TMEM117: variants seen among roughly 807,000 people sequenced by gnomAD.
TMEM117 encodes transmembrane protein 117.
Under a neutral mutation model 52.4 loss-of-function variants are expected in TMEM117, and 27 were observed. That is an observed-to-expected ratio of 0.51 (90% CI 0.38 to 0.71). The LOEUF (loss-of-function observed/expected upper bound fraction) is 0.71, where lower values mean the gene tolerates loss of function less well. Ranked by LOEUF, TMEM117 falls within the 30% of genes least tolerant of loss-of-function variation. The pLI is 0.00. For missense variants in TMEM117, 556 were observed against 630.5 expected (o/e 0.88, Z 1.26); for synonymous variants, 215 against 206.3 (o/e 1.04, Z -0.36).
At chr12:44,294,235 C>G (rs1950739909) in intron 5 of TMEM117, among the ~76,000 whole-genome samples, 1 of 152,122 alleles carries the variant, frequency 6.6e-6, no homozygotes, top group African/African-American at 2.4e-5. Context: ...AAGTTTCCCT[C>G]TTTATTGAAG....
intron 4 of TMEM117, among the ~76,000 whole-genome samples, chr12:44,148,018 G>A (rs1415737532): frequency 1.3e-5 from 2 of 151,856 alleles, no homozygotes; most frequent in East Asian, 1.9e-4. Flanking sequence ...CCTGAAAACC[G>A]TATACTGTGT....
At chr12:44,393,092 A>G (rs1323797581), downstream of TMEM117, among the ~76,000 whole-genome samples, 2 of 152,198 alleles carry the variant, frequency 1.3e-5, no homozygotes, top group Non-Finnish European at 2.9e-5. Flanking sequence ...CTAATTTAAT[A>G]TGTATAAAAT....
Position 44,362,579 on chromosome 12 carries a change from T to TA in TMEM117, c.769-14005dup, listed in dbSNP as rs35218752. On this transcript the variant is annotated intron_variant, in intron 6 of 7. Transcript: ENST00000266534. ...TGGCACAAATAAAAGACAAAATAAT[T>TA]AAAAAAAAAAAGCAAAGGAAAGAGA... Among the ~76,000 whole-genome samples, 1,176 of 141,180 alleles carry TA rather than the reference T, an allele frequency of 8.3e-3. 17 individuals carry two copies. Among genetic ancestry groups the TA allele is most frequent in the African/African-American group, 0.026 (1,012 of 38,662 alleles). The allele number at this position is 141,180 out of a possible 152,430, so 92.6% of individuals were successfully genotyped here.
At chr12:43,969,356 T>TTAAAAAAAAAAAAAAAAAA (rs1555189078) in intron 3 of TMEM117, among the ~76,000 whole-genome samples, 13 of 79,552 alleles carry the variant, frequency 1.6e-4, no homozygotes, top group African/African-American at 9.4e-4. Context: ...CCGTCTCTAC[T>TTAAAAAAAAAAAAAAAAAA]AAAAAAAAAA....
intron 3 of TMEM117, among the ~76,000 whole-genome samples, chr12:43,945,465 C>T (rs142965099): frequency 3.3e-5 from 5 of 152,078 alleles, no homozygotes; most frequent in Admixed American, 1.3e-4. Flanking sequence ...AGATTATAGG[C>T]GCCTGCCACC....
At chr12:43,865,591 AG>A (rs773624473) in intron 2 of TMEM117, among the ~76,000 whole-genome samples, 2 of 151,660 alleles carry the variant, frequency 1.3e-5, no homozygotes, top group East Asian at 1.9e-4. Flanking sequence ...CAGCTACTAG[AG>A]GGGCTGAGGC....
At chr12:44,354,058 A>G (rs528372549) in intron 6 of TMEM117, among the ~76,000 whole-genome samples, 1 of 152,286 alleles carries the variant, frequency 6.6e-6, no homozygotes, top group Admixed American at 6.5e-5. Context: ...TCTTTGAAGC[A>G]ATTGTGAATG....
intron 6 of TMEM117, among the ~76,000 whole-genome samples, chr12:44,305,513 C>CAA (rs75683898): frequency 0.029 from 3,905 of 132,798 alleles, 68 homozygotes; most frequent in Admixed American, 0.055. Flanking sequence ...AGACACTTCT[C>CAA]AAAAAAAAAA....
chr12:44,179,465 A>G (rs1340261221), intron 4 of TMEM117, among the ~76,000 whole-genome samples: 1 of 152,238 alleles, frequency 6.6e-6, no homozygotes, highest in African/African-American at 2.4e-5. Flanking sequence ...TCAAAAGGCC[A>G]AGGAACCTGG....
rs71091187 is a variant in TMEM117 at position 43,945,109 on chromosome 12, C to CTAAATAAATAAATAAATAAATAAA, written c.410+776_410+799dup. Among the ~76,000 whole-genome samples, 882 of 141,700 alleles carry CTAAATAAATAAATAAATAAATAAA rather than the reference C, an allele frequency of 6.2e-3. 6 individuals are homozygous for CTAAATAAATAAATAAATAAATAAA. The highest frequency in any genetic ancestry group is 0.029 in the Middle Eastern group (8 of 278). 93.0% of individuals were successfully genotyped at this position (141,700 alleles called of 152,430 possible). A position where few individuals can be genotyped will look rare whatever the true frequency, so the allele number is the denominator to read the frequency against. On this transcript the variant is annotated intron_variant, in intron 3 of 7. Coordinates refer to ENST00000266534, the MANE Select transcript of TMEM117 (RefSeq NM_032256.3). ...CTGGCAACAAAGCAAGACTCCGTCT[C>CTAAATAAATAAATAAATAAATAAA]TAAATAAATAAATAAATAAATAAAT...
intron 1 of TMEM117, among the ~76,000 whole-genome samples, chr12:43,836,482 T>G (rs1391341285): frequency 6.6e-6 from 1 of 151,952 alleles, no homozygotes; most frequent in Non-Finnish European, 1.5e-5. Flanking sequence ...GAAAGGCTCT[T>G]GGTGGGAGTC....
intron 6 of TMEM117, among the ~76,000 whole-genome samples, chr12:44,322,781 A>T (rs1951148845): frequency 6.6e-6 from 1 of 152,132 alleles, no homozygotes; most frequent in Non-Finnish European, 1.5e-5. Context: ...GACTGGAAAT[A>T]CCTGGTATAG....
chr12:43,822,763 G>A, the TMEM117 span, among the ~76,000 whole-genome samples: 1 of 152,070 alleles, frequency 6.6e-6, no homozygotes, highest in African/African-American at 2.4e-5. Context: ...CAGGCATGGT[G>A]GTAGCTGCCT....
chr12:43,877,904 C>CACACACACA (rs933910320), intron 2 of TMEM117, among the ~76,000 whole-genome samples: 2 of 145,522 alleles, frequency 1.4e-5, no homozygotes, highest in African/African-American at 4.9e-5. Context: ...CACACACACA[C>CACACACACA]ACACACACAC....
chr12:44,331,675 A>G (rs1951272439), intron 6 of TMEM117, among the ~76,000 whole-genome samples: 1 of 152,064 alleles, frequency 6.6e-6, no homozygotes, highest in Admixed American at 6.6e-5. Flanking sequence ...CATTTAATGG[A>G]CAATATTAAC....
intron 3 of TMEM117, among the ~76,000 whole-genome samples, chr12:43,945,413 C>A (rs11182341): frequency 2.0e-5 from 3 of 152,066 alleles, no homozygotes; most frequent in Non-Finnish European, 4.4e-5. Context: ...CTCTGCCTCC[C>A]GGGTTCCAGC....
intron 6 of TMEM117, among the ~76,000 whole-genome samples, chr12:44,345,605 A>G (rs1345003950): frequency 7.9e-5 from 12 of 152,170 alleles, no homozygotes; most frequent in Admixed American, 7.2e-4. Context: ...AATCAGCATT[A>G]TAGGTGTTAT....
intron 2 of TMEM117, among the ~76,000 whole-genome samples, chr12:43,880,361 A>T (rs1056358663): frequency 3.9e-5 from 6 of 152,120 alleles, no homozygotes; most frequent in African/African-American, 7.2e-5. Flanking sequence ...TAACTTTTTT[A>T]AAAAAATTTC....
intron 3 of TMEM117, chr12:44,010,324 G>C: frequency 2.3e-6 from 1 of 442,704 alleles, no homozygotes; most frequent in Non-Finnish European, 4.5e-6. Context: ...ACTACCCTCT[G>C]TTGCCATGTC....
Sources: gnomAD v4.1 joint callset for allele counts (sites outside exome capture counted in the v4.1 genomes callset) on GRCh38, gnomAD v4.1.1 for gene constraint, MANE v1.5 for transcripts, NCBI Gene and HGNC (gene_info 2026-07-23, HGNC 2026-07-21) for gene names.